Variants in NLGN1 observed in about 807,000 individuals in gnomAD.
NLGN1 encodes the protein neuroligin 1.
NLGN1 carries 12 observed loss-of-function variants against 65.5 expected under a neutral mutation model. That is an observed-to-expected ratio of 0.18 (90% CI 0.12 to 0.30). The LOEUF (loss-of-function observed/expected upper bound fraction) is 0.30. Among genes scored for constraint, NLGN1 ranks in the 10% least tolerant of loss-of-function variants. The probability of loss-of-function intolerance (pLI) is 1.00; values close to 1 mark genes in which losing one functional copy is unlikely to be tolerated. For synonymous variants in NLGN1, 350 were observed against 359.5 expected, an observed-to-expected ratio of 0.97 and a Z score of 0.30; for missense variants, 750 against 1,007.1, an observed-to-expected ratio of 0.74 and a Z score of 3.46.
exon 5 of NLGN1, chr3:174,275,489 A>G: frequency 6.2e-7 from 1 of 1,612,276 alleles, no homozygotes; most frequent in Non-Finnish European, 8.5e-7. Context: ...ACTTTATCCC[A>G]TTATTCTGAA....
intron 4 of NLGN1, among the ~76,000 whole-genome samples, chr3:173,934,226 A>C (rs923329641): frequency 6.7e-6 from 1 of 149,244 alleles, no homozygotes; most frequent in African/African-American, 2.4e-5. Context: ...AAGTTACAAT[A>C]ATAATAATAA....
At chr3:173,838,165 A>G (rs1052531344) in intron 4 of NLGN1, among the ~76,000 whole-genome samples, 1 of 152,118 alleles carries the variant, frequency 6.6e-6, no homozygotes, top group African/African-American at 2.4e-5. Flanking sequence ...TGTTTAGTGT[A>G]AACACTAAAT....
chr3:173,548,034 C>T (rs912029090), intron 2 of NLGN1, among the ~76,000 whole-genome samples: 4 of 151,932 alleles, frequency 2.6e-5, no homozygotes, highest in South Asian at 2.1e-4. Flanking sequence ...ATAACTTATT[C>T]GTTAATTTAC....
rs144906525 is a variant in NLGN1, at chr3:174,192,617, C to T, written c.647-82698C>T. On this transcript the variant is annotated intron_variant, in intron 4 of 6. Coordinates refer to ENST00000457714, the Ensembl canonical transcript of NLGN1. The stretch of plus-strand genomic sequence containing the variant: ...AATAAAAACAATGTAGGTCCTGTCA[C>T]GATTTACTGCTGCTTAGTTTGTGTG... 4.8e-3 allele frequency among the ~76,000 whole-genome samples: 737 copies of T among 152,234 alleles called. 4 individuals are homozygous for T. Among genetic ancestry groups the T allele is most frequent in the African/African-American group, 0.016 (673 of 41,558 alleles).
intron 2 of NLGN1, among the ~76,000 whole-genome samples, chr3:173,505,323 G>A (rs899516159): frequency 2.6e-5 from 4 of 152,100 alleles, no homozygotes; most frequent in Admixed American, 2.0e-4. Flanking sequence ...GATTGTAATG[G>A]AGCTCCATGC....
chr3:174,124,095 G>A (rs1426577226), intron 4 of NLGN1, among the ~76,000 whole-genome samples: 1 of 152,064 alleles, frequency 6.6e-6, no homozygotes. Flanking sequence ...ATCCCTTTCT[G>A]TGAGAATGTT....
chr3:173,706,085 C>T (rs1328806073), intron 3 of NLGN1, among the ~76,000 whole-genome samples: 2 of 152,116 alleles, frequency 1.3e-5, no homozygotes, highest in African/African-American at 4.8e-5. Flanking sequence ...GTGCTCCTTG[C>T]AATAAGTCAA....
At chr3:173,776,883 CAACTG>C (rs1184523445) in intron 3 of NLGN1, among the ~76,000 whole-genome samples, 1 of 151,900 alleles carries the variant, frequency 6.6e-6, no homozygotes, top group East Asian at 1.9e-4. Flanking sequence ...AGGAAAAAGT[CAACTG>C]AACACACATA....
At chr3:174,260,405 T>C (rs1299308619) in intron 4 of NLGN1, among the ~76,000 whole-genome samples, 2 of 151,374 alleles carry the variant, frequency 1.3e-5, no homozygotes, top group African/African-American at 4.9e-5. Flanking sequence ...TATCTCATTG[T>C]GGTTTTGATT....
intron 4 of NLGN1, among the ~76,000 whole-genome samples, chr3:174,275,069 T>C (rs1561451715): frequency 6.6e-6 from 1 of 151,864 alleles, no homozygotes; most frequent in Non-Finnish European, 1.5e-5. Flanking sequence ...CCTTTATCTG[T>C]CCCTGTTATC....
At position 173,611,343 on chromosome 3, in the gene NLGN1, T is replaced by G. The variant is rs577582763; in HGVS notation, c.493+6252T>G. ...TTATCTTGCCCAAAGATTCATAATTTGTTGTTGGCCAACTGTTTCCTTTGA... is the reference window on the plus strand; with the variant it reads ...TTATCTTGCCCAAAGATTCATAATTGGTTGTTGGCCAACTGTTTCCTTTGA... On this transcript the variant is annotated intron_variant, in intron 3 of 6. Coordinates refer to ENST00000457714, the Ensembl canonical transcript of NLGN1. 2.0e-5 allele frequency among the ~76,000 whole-genome samples: 3 copies of G among 152,152 alleles called. No homozygotes were observed. In the East Asian group the frequency reaches 5.8e-4, roughly 29 times the overall value.
intron 4 of NLGN1, among the ~76,000 whole-genome samples, chr3:173,905,319 A>G (rs962043287): frequency 6.6e-5 from 10 of 152,098 alleles, no homozygotes; most frequent in African/African-American, 2.2e-4. Context: ...TGTTAAAAAG[A>G]CTCTAGAGTG....
chr3:174,285,242 A>G, exon 7 of NLGN1: 1 of 151,436 alleles, frequency 6.6e-6, no homozygotes, highest in Non-Finnish European at 1.5e-5. Flanking sequence ...CAGTCTTTTG[A>G]TGTTAGTAAT....
chr3:173,878,613 C>G (rs1433928303), intron 4 of NLGN1, among the ~76,000 whole-genome samples: 1 of 146,244 alleles, frequency 6.8e-6, no homozygotes, highest in African/African-American at 2.5e-5. Context: ...TTTATTTGTT[C>G]ATATAAATGA....
At chr3:173,773,975 C>T (rs769945590) in intron 3 of NLGN1, among the ~76,000 whole-genome samples, 7 of 152,010 alleles carry the variant, frequency 4.6e-5, no homozygotes, top group Non-Finnish European at 1.0e-4. Context: ...AGTAGCACAC[C>T]CGAAGTCATA....
rs1286815545 is a variant in NLGN1 at position 173,820,737 on chromosome 3, C to G, written c.646+12905C>G. Reference sequence around the variant, plus strand: ...GTAAGATATTTACCTATTTTCGGACCATGGTTGACCAGAGGTAACCGGAGA... The same window carrying G: ...GTAAGATATTTACCTATTTTCGGACGATGGTTGACCAGAGGTAACCGGAGA... On this transcript the variant is annotated intron_variant, in intron 4 of 6. Transcript: ENST00000457714. Among the ~76,000 whole-genome samples the G allele has an allele frequency of 3.9e-5, 6 of 152,214 alleles. No individual in the cohort carries two copies. The South Asian group carries it at 6.2e-4, about 16-fold the overall frequency.
intron 2 of NLGN1, among the ~76,000 whole-genome samples, chr3:173,569,587 CTTT>C (rs58825067): frequency 7.2e-5 from 10 of 139,406 alleles, no homozygotes; most frequent in African/African-American, 2.6e-4. Flanking sequence ...ATCATGGTTT[CTTT>C]TTTTTTTTTC....
rs74414932 is a variant in NLGN1, at chr3:174,051,249, C to T, written c.647-224066C>T. Reference sequence around the variant, plus strand: ...TCTCCAATTCCAGGGTGCCACCCACCGTATTATGATGTTGATTTGTGAAGA... The same window carrying T: ...TCTCCAATTCCAGGGTGCCACCCACTGTATTATGATGTTGATTTGTGAAGA... On this transcript the variant is annotated intron_variant, in intron 4 of 6. Coordinates refer to ENST00000457714, the Ensembl canonical transcript of NLGN1. 6.3e-3 allele frequency among the ~76,000 whole-genome samples: 954 copies of T among 152,096 alleles called. 23 individuals carry two copies. The highest frequency in any genetic ancestry group is 0.039 in the East Asian group (199 of 5,152).
chr3:173,993,703 G>A (rs559230911), intron 4 of NLGN1, among the ~76,000 whole-genome samples: 2 of 149,514 alleles, frequency 1.3e-5, no homozygotes, highest in African/African-American at 4.9e-5. Flanking sequence ...TAGTTCAGGA[G>A]CCAACTAACA....
Sources: gnomAD v4.1 joint callset for allele counts (sites outside exome capture counted in the v4.1 genomes callset) on GRCh38, gnomAD v4.1.1 for gene constraint, MANE v1.5 for transcripts, NCBI Gene and HGNC (gene_info 2026-07-23, HGNC 2026-07-21) for gene names.